PRAMEF4: variants seen among roughly 807,000 people sequenced by gnomAD.
PRAMEF4 encodes PRAME family member 4, also known as RP5-845O24.6.
PRAMEF4 carries 18 observed loss-of-function variants against 34.4 expected under a neutral mutation model. That is an observed-to-expected ratio of 0.52 (90% CI 0.36 to 0.78). PRAMEF4 has a LOEUF of 0.78. Ranked by LOEUF, PRAMEF4 falls within the 30% of genes least tolerant of loss-of-function variation. The probability of loss-of-function intolerance (pLI) is 0.00; values close to 1 mark genes in which losing one functional copy is unlikely to be tolerated. For missense variants in PRAMEF4, 482 were observed against 569.1 expected (o/e 0.85, Z 1.56); for synonymous variants, 156 against 219.3 (o/e 0.71, Z 2.55).
chr1:12,883,899 T>C lies in PRAMEF4; in HGVS notation c.-16-489A>G, dbSNP rs545357527. Among the ~76,000 whole-genome samples the C allele has an allele frequency of 9.4e-3, 1,352 of 143,842 alleles. 80 individuals carry two copies. The highest frequency in any genetic ancestry group is 0.015 in the Non-Finnish European group (963 of 65,452). The allele number at this position is 143,842 out of a possible 152,430, so 94.4% of individuals were successfully genotyped here. A position where few individuals can be genotyped will look rare whatever the true frequency, so the allele number is the denominator to read the frequency against. ...TCTTTCTCTCTCTTTCTTCTTTCCT[T>C]CTTTCCCTCTCTCCCTCCCTTCTTT... On this transcript the variant is annotated intron_variant, in intron 1 of 3. Coordinates refer to ENST00000235349, the MANE Select transcript of PRAMEF4 (RefSeq NM_001009611.4).
intron 2 of PRAMEF4, among the ~76,000 whole-genome samples, chr1:12,882,705 C>A (rs2982183): frequency 1.4e-5 from 2 of 147,824 alleles, no homozygotes. Flanking sequence ...ATTCTCCTGC[C>A]TCAACCTCAC....
intron 3 of PRAMEF4, among the ~76,000 whole-genome samples, chr1:12,881,579 A>C (rs1640890066): frequency 7.0e-6 from 1 of 142,808 alleles, no homozygotes; most frequent in Non-Finnish European, 1.5e-5. Flanking sequence ...AAGAATTCAG[A>C]AAGGCACCCT....
rs1366012289 is a variant in PRAMEF4 at position 12,879,761 on chromosome 1, A to G, written c.1220T>C (p.Leu407Pro). Residue 407 changes from leucine to proline, a missense_variant, in exon 4 of 4, where the codon CTC becomes CCC. Physicochemically the swap from Leu to Pro is moderately conservative, Grantham distance 98 (BLOSUM62 -3). Around this residue, in one of 6 missense-constraint regions of PRAMEF4, gnomAD observed 116 missense variants for 105.2 expected, o/e 1.10. Coordinates refer to ENST00000235349, the MANE Select transcript of PRAMEF4 (RefSeq NM_001009611.4). ...LENLLSHTII[L>P]KNLCVELYPA... is the part of the protein sequence containing the mutation. Reference sequence around the variant, plus strand: ...ATACAGCTCCACGCATAAGTTTTTGAGTATGATTGTGTGGCTCAGCAGGTT... The same window carrying G: ...ATACAGCTCCACGCATAAGTTTTTGGGTATGATTGTGTGGCTCAGCAGGTT... The G allele has an allele frequency of 1.3e-5, 21 of 1,602,744 alleles. 2 individuals are homozygous for G. The highest frequency in any genetic ancestry group is 1.8e-5 in the Non-Finnish European group (21 of 1,175,528).
chr1:12,882,732 A>T (rs560964253), intron 2 of PRAMEF4, among the ~76,000 whole-genome samples: 1 of 148,312 alleles, frequency 6.7e-6, no homozygotes, highest in East Asian at 2.0e-4. Flanking sequence ...CTGGGATTAC[A>T]GGAGCCCACC....
intron 3 of PRAMEF4, among the ~76,000 whole-genome samples, chr1:12,880,569 C>G (rs200295914): frequency 0.026 from 3,761 of 142,636 alleles, no homozygotes; most frequent in East Asian, 0.14. Context: ...GAGAGAGACT[C>G]TGTATTAAAA....
At chr1:12,885,540 G>T (rs1640985507) in intron 1 of PRAMEF4, among the ~76,000 whole-genome samples, 1 of 148,226 alleles carries the variant, frequency 6.7e-6, no homozygotes. Flanking sequence ...CAGCACTTTG[G>T]GAGGCCAAGG....
chr1:12,885,654 GTCTGT>G (rs1640987733), intron 1 of PRAMEF4, among the ~76,000 whole-genome samples: 1 of 145,850 alleles, frequency 6.9e-6, no homozygotes, highest in South Asian at 2.2e-4. Context: ...GGTTTCAGAT[GTCTGT>G]GACACCAGCT....
chr1:12,884,992 C>T (rs1325900994), intron 1 of PRAMEF4, among the ~76,000 whole-genome samples: 151 of 149,102 alleles, frequency 1.0e-3, no homozygotes, highest in African/African-American at 3.7e-3. Context: ...TTGAAAGTAT[C>T]TTTGTTGAGG....
At chr1:12,881,604 C>A (rs1165898073) in intron 3 of PRAMEF4, among the ~76,000 whole-genome samples, 1 of 140,736 alleles carries the variant, frequency 7.1e-6, no homozygotes, top group East Asian at 2.0e-4. Context: ...AGATCTGAAC[C>A]CCCCAGTAGC....
chr1:12,880,645 A>T (rs889487539), intron 3 of PRAMEF4, among the ~76,000 whole-genome samples: 1 of 148,800 alleles, frequency 6.7e-6, no homozygotes, highest in Non-Finnish European at 1.5e-5. Flanking sequence ...ATAGGAATGG[A>T]TCAAGTTCAC....
chr1:12,882,978 G>T, intron 2 of PRAMEF4, 124 bp downstream of exon 2: 1 of 1,400,462 alleles, frequency 7.1e-7, no homozygotes, highest in South Asian at 1.3e-5. Flanking sequence ...GCTGGTGAAT[G>T]GCCAAGTCCT....
rs768955394 is a variant in PRAMEF4 at position 12,882,027 on chromosome 1, C to T, written c.702G>A (p.Arg234=). ...GGGAGAGAATGAGTTTCTGAAGATTCCTCATGTGGCCCAGGTATGGGGTAA... is the reference window on the plus strand; with the variant it reads ...GGGAGAGAATGAGTTTCTGAAGATTTCTCATGTGGCCCAGGTATGGGGTAA... ...TQFTPYLGHM[R]NLQKLILSHM... The change falls in exon 3 of 4, where the codon AGG becomes AGA. Residue 234 remains arginine (R), a synonymous_variant. Coordinates refer to ENST00000235349, the MANE Select transcript of PRAMEF4 (RefSeq NM_001009611.4). 93 of 1,590,670 alleles carry T rather than the reference C, an allele frequency of 5.8e-5. 5 individuals carry two copies. In the South Asian group the frequency reaches 8.2e-4, roughly 14 times the overall value.
At position 12,883,137 on chromosome 1, in the gene PRAMEF4, C is replaced by A; in HGVS notation, c.258G>T (p.Gly86=). ...CLEAFQAVLD[G]LDALLNLGVR... Reference sequence around the variant, plus strand: ...CCCCTAGGTTAAGCAGTGCATCCAGCCCATCGAGCACAGCTTGGAAGGCCT... The same window carrying A: ...CCCCTAGGTTAAGCAGTGCATCCAGACCATCGAGCACAGCTTGGAAGGCCT... Residue 86 remains glycine, a synonymous_variant, in exon 2 of 4, where the codon GGG becomes GGT. Transcript: ENST00000235349. The A allele has an allele frequency of 6.2e-7, 1 of 1,601,702 alleles. No homozygotes were observed. The highest frequency in any genetic ancestry group is 8.5e-7 in the Non-Finnish European group (1 of 1,174,324).
intron 3 of PRAMEF4, among the ~76,000 whole-genome samples, chr1:12,881,613 GCTGA>G (rs1640890732): frequency 7.1e-6 from 1 of 140,014 alleles, no homozygotes; most frequent in African/African-American, 2.8e-5. Context: ...CCCCCCAGTA[GCTGA>G]CTTCCTAGCA....
chr1:12,885,316 A>T lies in PRAMEF4; in HGVS notation c.-17+831T>A, dbSNP rs1195098670. Among the ~76,000 whole-genome samples, 15 of 149,652 alleles carry T rather than the reference A, an allele frequency of 1.0e-4. 2 individuals carry two copies. Among genetic ancestry groups the T allele is most frequent in the East Asian group, 3.9e-4 (2 of 5,114 alleles). On this transcript the variant is annotated intron_variant, in intron 1 of 3. Coordinates refer to ENST00000235349, the MANE Select transcript of PRAMEF4 (RefSeq NM_001009611.4). ...CATGCCTCCATTTGGGTGGAAGAGG[A>T]TGTGATTGGTTTAAAATTAAGGTCA...
chr1:12,885,959 T>A, intron 1 of PRAMEF4, among the ~76,000 whole-genome samples, 188 bp downstream of exon 1: 1 of 78,856 alleles, frequency 1.3e-5, no homozygotes, highest in Non-Finnish European at 2.3e-5. Context: ...CAAAGCACAA[T>A]CAACTTTTTT....
rs1205285934 is a variant in PRAMEF4 at position 12,886,025 on chromosome 1, T to TA, written c.-17+121dup. 17 of 37,110 alleles carry TA rather than the reference T, an allele frequency of 4.6e-4. 1 individual carries two copies. The highest frequency in any genetic ancestry group is 6.4e-4 in the Non-Finnish European group (14 of 21,910). The allele number at this position is 37,110 out of a possible 1,614,324, so 2.3% of individuals were successfully genotyped here. On this transcript the variant is annotated intron_variant, in intron 1 of 3. Transcript: ENST00000235349. ...AAAATTCAAAGCTTCCAATTGTTCA[T>TA]ATAAAAAAAAAAAAAAAAGGACAGG...
chr1:12,885,334 T>G (rs1335575841), intron 1 of PRAMEF4, among the ~76,000 whole-genome samples: 1 of 150,024 alleles, frequency 6.7e-6, no homozygotes, highest in African/African-American at 2.5e-5. Flanking sequence ...GGTTTAAAAT[T>G]AAGGTCAAAG....
At position 12,880,756 on chromosome 1, in the gene PRAMEF4, C is replaced by G. The variant is rs990905069; in HGVS notation, c.876-651G>C. ...TTCAGGCATAAAGGACAAACCCAGA[C>G]AGGATCCTGCAACATCAGCTACGGT... On this transcript the variant is annotated intron_variant, in intron 3 of 3. Coordinates refer to ENST00000235349, the MANE Select transcript of PRAMEF4 (RefSeq NM_001009611.4). Among the ~76,000 whole-genome samples, 9 of 146,394 alleles carry G rather than the reference C, an allele frequency of 6.1e-5. 1 individual carries two copies. Among genetic ancestry groups the G allele is most frequent in the African/African-American group, 1.0e-4 (4 of 38,960 alleles).
Sources: gnomAD v4.1 joint callset for allele counts (sites outside exome capture counted in the v4.1 genomes callset) on GRCh38, gnomAD v4.1.1 for gene constraint, gnomAD v4.1.1 regional missense constraint, MANE v1.5 for transcripts, NCBI Gene and HGNC (gene_info 2026-07-23, HGNC 2026-07-21) for gene names.